KIT: variants seen among roughly 807,000 people sequenced by gnomAD.
KIT encodes KIT proto-oncogene, receptor tyrosine kinase.
In KIT, 16 loss-of-function variants were observed where a neutral mutation model predicts 105.7. The observed-to-expected ratio is 0.15, with a 90% confidence interval of 0.10 to 0.23. The LOEUF (loss-of-function observed/expected upper bound fraction) is 0.23, where lower values mean the gene tolerates loss of function less well. Among genes scored for constraint, KIT ranks in the 10% least tolerant of loss-of-function variants. KIT has a pLI of 1.00. For missense variants in KIT, 858 were observed against 1,213.8 expected, an observed-to-expected ratio of 0.71 and a Z score of 4.36; for synonymous variants, 438 against 441.1, an observed-to-expected ratio of 0.99 and a Z score of 0.09.
At chr4:54,689,483 TC>T (rs1351512110) in intron 1 of KIT, among the ~76,000 whole-genome samples, 1 of 152,194 alleles carries the variant, frequency 6.6e-6, no homozygotes, top group Non-Finnish European at 1.5e-5. Flanking sequence ...AAAGACCTTT[TC>T]CTGCCAATGC....
chr4:54,696,761 G>A (rs537221599), intron 2 of KIT, among the ~76,000 whole-genome samples: 2 of 152,338 alleles, frequency 1.3e-5, no homozygotes, highest in East Asian at 3.9e-4. Context: ...TCTAAAGTTT[G>A]ACTGTGCCTC....
intron 7 of KIT, among the ~76,000 whole-genome samples, chr4:54,719,051 C>G (rs1039190832): frequency 8.5e-5 from 13 of 152,136 alleles, no homozygotes; most frequent in Admixed American, 8.5e-4. Flanking sequence ...CCTTTAAACA[C>G]CAGCAAACCT....
intron 1 of KIT, among the ~76,000 whole-genome samples, chr4:54,672,462 ACCC>A (rs1718180555): frequency 6.6e-6 from 1 of 151,578 alleles, no homozygotes; most frequent in African/African-American, 2.4e-5. Context: ...TTTCTATAAT[ACCC>A]TTGTCTGCTG....
chr4:54,709,652 A>G, intron 7 of KIT, 113 bp downstream of exon 7: 1 of 744,770 alleles, frequency 1.3e-6, no homozygotes, highest in South Asian at 1.5e-5. Context: ...GTTTCATGAT[A>G]ATCTTGACCT....
intron 1 of KIT, among the ~76,000 whole-genome samples, chr4:54,690,430 T>G (rs573691637): frequency 6.6e-6 from 1 of 152,350 alleles, no homozygotes; most frequent in Non-Finnish European, 1.5e-5. Flanking sequence ...GTTCAGCACT[T>G]ACCAAGTAGC....
At chr4:54,699,229 T>C (rs112683884) in intron 3 of KIT, among the ~76,000 whole-genome samples, 160 of 152,266 alleles carry the variant, frequency 1.1e-3, no homozygotes, top group African/African-American at 3.8e-3. Flanking sequence ...TTTCCAGAGG[T>C]GAGCAGGGTA....
intron 7 of KIT, 114 bp from the exon 8 acceptor site, chr4:54,723,470 C>G (rs1184175364): frequency 1.4e-6 from 1 of 738,466 alleles, no homozygotes; most frequent in Non-Finnish European, 2.4e-6. Flanking sequence ...TGAACTTGCT[C>G]CCTCAGGCTA....
At chr4:54,716,770 T>C (rs1446524010) in intron 7 of KIT, among the ~76,000 whole-genome samples, 1 of 152,196 alleles carries the variant, frequency 6.6e-6, no homozygotes, top group Non-Finnish European at 1.5e-5. Flanking sequence ...TTATCGTGTT[T>C]AATGTCTAAT....
intron 7 of KIT, among the ~76,000 whole-genome samples, chr4:54,722,815 T>TTA (rs10572198): frequency 1.4e-3 from 200 of 144,934 alleles, no homozygotes; most frequent in Non-Finnish European, 2.0e-3. Flanking sequence ...ATATATATAT[T>TTA]TATATATATA....
intron 4 of KIT, among the ~76,000 whole-genome samples, chr4:54,700,309 G>T (rs1469681969): frequency 6.6e-6 from 1 of 152,004 alleles, no homozygotes; most frequent in African/African-American, 2.4e-5. Context: ...GTTGCTAATG[G>T]TTTTCTATTT....
chr4:54,729,432 T>A lies in KIT; in HGVS notation c.2088T>A (p.Asp696Glu), dbSNP rs1412301967. The A allele has an allele frequency of 6.2e-7, 1 of 1,613,668 alleles. No homozygotes were observed. Among genetic ancestry groups the A allele is most frequent in the African/African-American group, 1.3e-5 (1 of 74,910 alleles). ...CATTTATTTGTTCAAAGCAGGAAGA[T>A]CATGCAGAAGCTGCACTTTATAAGA... ...RDSFICSKQE[D>E]HAEAALYKNL... Residue 696 changes from aspartate (D) to glutamate (E), a missense_variant, in exon 14 of 21, where the codon GAT becomes GAA. Physicochemically the swap from Asp to Glu is conservative, Grantham distance 45 (BLOSUM62 2). Around this residue, in one of 7 missense-constraint regions of KIT, gnomAD observed 158 missense variants for 218.7 expected, o/e 0.72. Coordinates refer to ENST00000288135, the MANE Select transcript of KIT (RefSeq NM_000222.3).
In KIT at chr4:54,736,620, C is replaced by T. The variant is rs2109811781; in HGVS notation, c.2596+11C>T. 6.2e-7 allele frequency: 1 copy of T among 1,607,288 alleles called. No homozygotes were observed. Among genetic ancestry groups the T allele is most frequent in the Non-Finnish European group, 8.5e-7 (1 of 1,173,808 alleles). On this transcript the variant is annotated intron_variant, in intron 18 of 20. Coordinates refer to ENST00000288135, the MANE Select transcript of KIT (RefSeq NM_000222.3). ...AGCTGTTCTCTTTAGGTAAAATGAT[C>T]CTTGCCAAAGACAACTTCATTAGAC...
In KIT at chr4:54,658,021, G is replaced by C. The variant is rs1577898451; in HGVS notation, c.7G>C (p.Gly3Arg). 2 of 1,613,916 alleles carry C rather than the reference G, an allele frequency of 1.2e-6. No homozygotes were observed. Among genetic ancestry groups the C allele is most frequent in the Non-Finnish European group, 1.7e-6 (2 of 1,179,874 alleles). The change falls in exon 1 of 21, where the codon GGC becomes CGC. Residue 3 changes from glycine to arginine, a missense_variant. Gly to Arg is a moderately radical substitution (Grantham distance 125). Coordinates refer to ENST00000288135, the MANE Select transcript of KIT (RefSeq NM_000222.3). MR[G>R]ARGAWDFLCV... Reference sequence around the variant, plus strand: ...TCCCATCGCAGCTACCGCGATGAGAGGCGCTCGCGGCGCCTGGGATTTTCT... The same window carrying C: ...TCCCATCGCAGCTACCGCGATGAGACGCGCTCGCGGCGCCTGGGATTTTCT...
At chr4:54,686,866 G>A (rs1375551318) in intron 1 of KIT, among the ~76,000 whole-genome samples, 2 of 152,114 alleles carry the variant, frequency 1.3e-5, no homozygotes, top group Non-Finnish European at 2.9e-5. Context: ...TTAATCATGA[G>A]TTCTGCCTAA....
At chr4:54,675,144 T>C (rs1031155203) in intron 1 of KIT, among the ~76,000 whole-genome samples, 1 of 152,208 alleles carries the variant, frequency 6.6e-6, no homozygotes. Flanking sequence ...TTTCCTCCAA[T>C]TGGCCATTGA....
intron 2 of KIT, among the ~76,000 whole-genome samples, chr4:54,697,317 A>G (rs1220676289): frequency 6.6e-6 from 1 of 152,220 alleles, no homozygotes; most frequent in African/African-American, 2.4e-5. Flanking sequence ...ACCTATTTCA[A>G]TGATGTCAAG....
intron 1 of KIT, among the ~76,000 whole-genome samples, chr4:54,682,153 G>A (rs1185735838): frequency 6.9e-5 from 10 of 144,476 alleles, no homozygotes; most frequent in African/African-American, 1.3e-4. Flanking sequence ...GTAGTGGCAC[G>A]ATCACAGCTC....
At chr4:54,725,758 A>C in intron 8 of KIT, 99 bp from the exon 9 acceptor site, 1 of 1,098,680 alleles carries the variant, frequency 9.1e-7, no homozygotes, top group Non-Finnish European at 1.4e-6. Flanking sequence ...TTGATTATGA[A>C]CCTCTAACTT....
intron 1 of KIT, among the ~76,000 whole-genome samples, chr4:54,686,609 A>G (rs1438156414): frequency 1.3e-5 from 2 of 152,198 alleles, no homozygotes; most frequent in African/African-American, 4.8e-5. Flanking sequence ...CAGTGGCACA[A>G]TCTCAGCTCA....
Sources: allele counts gnomAD v4.1 joint callset (sites outside exome capture counted in the v4.1 genomes callset), GRCh38; gene constraint gnomAD v4.1.1; regional missense constraint gnomAD v4.1.1; transcripts MANE v1.5; gene names NCBI Gene and HGNC (gene_info 2026-07-23, HGNC 2026-07-21).